TNNT2: variants seen among roughly 807,000 people sequenced by gnomAD.
The protein encoded by TNNT2 is troponin T2, cardiac type, also known as troponin T, cardiac muscle.
A neutral mutation model predicts 62.4 loss-of-function variants in TNNT2; 34 were observed. The ratio of observed to expected loss-of-function variants is 0.54; its 90% CI spans 0.41 to 0.72. TNNT2 has a LOEUF of 0.72. TNNT2 is among the 30% of genes least tolerant of loss of function. The pLI, the probability that TNNT2 is intolerant of heterozygous loss-of-function variation, is 0.00. For synonymous variants in TNNT2, 123 were observed against 127.2 expected (o/e 0.97, Z 0.22); for missense variants, 275 against 381.9 (o/e 0.72, Z 2.33).
intron 16 of TNNT2, 134 bp from the exon 17 acceptor site, chr1:201,359,389 C>T: frequency 8.5e-7 from 1 of 1,170,402 alleles, no homozygotes; most frequent in Non-Finnish European, 1.2e-6. Context: ...AATAGGACAG[C>T]AGCCTGAGGC....
In TNNT2 at chr1:201,365,631, A is replaced by G. The variant is rs763782935; in HGVS notation, c.273T>C (p.Asp91=). The change falls in exon 9 of 17, where the codon GAT becomes GAC. Residue 91 remains aspartate (D), a synonymous_variant. Transcript: ENST00000656932. ...MPNLVPPKIP[D]GERVDFDDIH... is the part of the protein sequence containing the mutation. ...TTACATCAAAGTCCACTCTCTCTCC[A>G]TCGGGGATCTTGGGAGGCACCAAGT... is the stretch of plus-strand genomic sequence containing the variant. 7.4e-6 allele frequency: 12 copies of G among 1,613,938 alleles called. No homozygotes were observed. The highest frequency in any genetic ancestry group is 8.5e-6 in the Non-Finnish European group (10 of 1,179,978).
intron 1 of TNNT2, among the ~76,000 whole-genome samples, chr1:201,376,510 G>A (rs1262580762): frequency 1.3e-5 from 2 of 152,168 alleles, no homozygotes; most frequent in African/African-American, 4.8e-5. Flanking sequence ...AGGGGATGGG[G>A]AGAGGGCAGG....
At chr1:201,370,289 A>G (rs1251898547) in intron 4 of TNNT2, among the ~76,000 whole-genome samples, 5 of 152,178 alleles carry the variant, frequency 3.3e-5, no homozygotes, top group Non-Finnish European at 5.9e-5. Context: ...GAGCCTGCCC[A>G]TGTTCCTGCT....
intron 4 of TNNT2, among the ~76,000 whole-genome samples, chr1:201,370,997 C>T (rs1312503550): frequency 6.6e-6 from 1 of 152,220 alleles, no homozygotes; most frequent in East Asian, 1.9e-4. Flanking sequence ...CTTTCAGTTT[C>T]TCCTGTGAAT....
At chr1:201,364,130 C>T (rs543588729) in intron 11 of TNNT2, 168 bp downstream of exon 11, 19 of 676,288 alleles carry the variant, frequency 2.8e-5, no homozygotes, top group East Asian at 5.6e-5. Context: ...GTGATCTACC[C>T]GCCTTGGCCT....
intron 4 of TNNT2, among the ~76,000 whole-genome samples, chr1:201,370,689 C>T (rs536182747): frequency 1.1e-3 from 163 of 152,320 alleles, no homozygotes; most frequent in African/African-American, 3.7e-3. Context: ...AGATGCTACA[C>T]GGCTCAGGCC....
At chr1:201,370,344 A>G (rs1468014571) in intron 4 of TNNT2, among the ~76,000 whole-genome samples, 18 of 152,168 alleles carry the variant, frequency 1.2e-4, no homozygotes, top group Non-Finnish European at 4.4e-5. Flanking sequence ...TCCAGTTTCC[A>G]GGAGTCACAC....
At position 201,364,349 on chromosome 1, in the gene TNNT2, C is replaced by T; in HGVS notation, c.438G>A (p.Glu146=). The T allele has an allele frequency of 6.2e-7, 1 of 1,613,234 alleles. No homozygotes were observed. The highest frequency in any genetic ancestry group is 8.5e-7 in the Non-Finnish European group (1 of 1,179,998). Residue 146 remains glutamate, a synonymous_variant, in exon 11 of 17, where the codon GAG becomes GAA. Transcript: ENST00000656932. ...CCCGCTCATTCCGGATGCGCTGCTG[C>T]TCGGCCCGCTCTGCCCGACGTCTCT... The part of the protein sequence containing the change: ...RIERRRAERA[E]QQRIRNEREK...
chr1:201,376,069 C>T (rs765758549), intron 1 of TNNT2, among the ~76,000 whole-genome samples: 1 of 152,162 alleles, frequency 6.6e-6, no homozygotes, highest in Non-Finnish European at 1.5e-5. Context: ...GAGTCAAGAA[C>T]CTGGCAGGGC....
intron 15 of TNNT2, 56 bp from the exon 16 acceptor site, chr1:201,359,719 C>T: frequency 6.5e-7 from 1 of 1,530,994 alleles, no homozygotes; most frequent in Non-Finnish European, 8.9e-7. Context: ...GGCTCAGGTC[C>T]CAGGTGGCCT....
At chr1:201,375,188 A>T (rs1476572506) in intron 1 of TNNT2, 1 of 152,390 alleles carries the variant, frequency 6.6e-6, no homozygotes, top group African/African-American at 2.4e-5. Context: ...TGATGTCCAG[A>T]GGCTGAGCCA....
chr1:201,370,065 A>T (rs559380820), intron 4 of TNNT2, among the ~76,000 whole-genome samples: 2 of 152,142 alleles, frequency 1.3e-5, no homozygotes, highest in Non-Finnish European at 2.9e-5. Context: ...TAAAATGGGA[A>T]TCATTCTACT....
rs751728017 is a variant in TNNT2, at chr1:201,369,817, G to A, written c.96C>T (p.Asp32=). 5.4e-5 allele frequency: 87 copies of A among 1,614,196 alleles called. No homozygotes were observed. Among genetic ancestry groups the A allele is most frequent in the South Asian group, 2.5e-4 (23 of 91,088 alleles). ...EEEEDWREDE[D]EQEEAAEEDA... ...CCACAGAAGGAAAGGCTGTACTACC[G>A]TCTTCGTCCTCTCTCCAGTCCTCCT... The change falls in exon 5 of 17, where the codon GAC becomes GAT. Residue 32 remains aspartate, a splice_region_variant and synonymous_variant. Transcript: ENST00000656932.
chr1:201,366,132 T>C, intron 8 of TNNT2: 3 of 1,078,640 alleles, frequency 2.8e-6, no homozygotes, highest in Non-Finnish European at 3.4e-6. Context: ...TCTCTGATTC[T>C]TCATGTCCCC....
Position 201,377,626 on chromosome 1 carries a change from A to T in TNNT2, c.-18T>A, listed in dbSNP as rs747865894. The stretch of plus-strand genomic sequence containing the variant: ...CAGAGCCCTGCCCGAGCCTTACCTC[A>T]GAACAGCAGCTGCCGACAGATCCTG... On this transcript the variant is annotated 5_prime_UTR_variant, in exon 1 of 17. Coordinates refer to ENST00000656932, the MANE Select transcript of TNNT2 (RefSeq NM_001276345.2). The T allele has an allele frequency of 2.2e-6, 1 of 456,302 alleles. No individual in the cohort carries two copies. The allele number at this position is 456,302 out of a possible 1,614,324, so 28.3% of individuals were successfully genotyped here. A position where few individuals can be genotyped will look rare whatever the true frequency, so the allele number is the denominator to read the frequency against.
intron 8 of TNNT2, chr1:201,366,628 G>C: frequency 2.1e-6 from 3 of 1,459,966 alleles, no homozygotes; most frequent in Non-Finnish European, 2.7e-6. Flanking sequence ...TGCACGATTG[G>C]TGATGGAGTG....
At position 201,361,327 on chromosome 1, in the gene TNNT2, C is replaced by A. The variant is rs45466197; in HGVS notation, c.762G>T (p.Glu254Asp). 309 of 1,614,050 alleles carry A rather than the reference C, an allele frequency of 1.9e-4. No individual in the cohort carries two copies. The highest frequency in any genetic ancestry group is 2.5e-4 in the Non-Finnish European group (297 of 1,180,008). ...KELWQSIYNL[E>D]AEKFDLQEKF... Reference sequence around the variant, plus strand: ...TCTCCTGCAGGTCGAACTTCTCTGCCTCCAAGTTATAGATGCTCTGCCACA... The same window carrying A: ...TCTCCTGCAGGTCGAACTTCTCTGCATCCAAGTTATAGATGCTCTGCCACA... Residue 254 changes from glutamate (E) to aspartate (D), a missense_variant, in exon 15 of 17, where the codon GAG becomes GAT. Transcript: ENST00000656932.
rs185927345 is a variant in TNNT2, at chr1:201,359,087, G to A, written c.*123C>T. The A allele has an allele frequency of 2.1e-4, 269 of 1,304,060 alleles. 1 individual carries two copies. The African/African-American group carries it at 3.6e-3, about 18-fold the overall frequency. 80.8% of individuals were successfully genotyped at this position (1,304,060 alleles called of 1,614,324 possible). A position where few individuals can be genotyped will look rare whatever the true frequency, so the allele number is the denominator to read the frequency against. The stretch of plus-strand genomic sequence containing the variant: ...AGGCAGGAGTGGTGGCTCCCACCTA[G>A]GCCAGCTCCCCATTTCCAAACAGGA... On this transcript the variant is annotated 3_prime_UTR_variant, in exon 17 of 17. Transcript: ENST00000656932.
At chr1:201,368,074 G>T (rs2102282358) in intron 6 of TNNT2, 88 bp downstream of exon 6, 1 of 1,371,200 alleles carries the variant, frequency 7.3e-7, no homozygotes, top group Non-Finnish European at 1.0e-6. Flanking sequence ...GGGAAAGCCT[G>T]TTCTGGGGGG....
Sources: gnomAD v4.1 joint callset for allele counts (sites outside exome capture counted in the v4.1 genomes callset) on GRCh38, gnomAD v4.1.1 for gene constraint, MANE v1.5 for transcripts, NCBI Gene and HGNC (gene_info 2026-07-23, HGNC 2026-07-21) for gene names.